MBOAT1: variants seen among roughly 807,000 people sequenced by gnomAD.
The protein encoded by MBOAT1 is membrane-bound glycerophospholipid O-acyltransferase 1.
In MBOAT1, 67 loss-of-function variants were observed where a neutral mutation model predicts 64.4. That is an observed-to-expected ratio of 1.04 (90% confidence interval 0.85 to 1.27). MBOAT1 has a LOEUF of 1.27. Ranked by LOEUF, MBOAT1 falls within the 50% of genes most tolerant of loss-of-function variation. MBOAT1 has a pLI of 0.00. For missense variants in MBOAT1, 563 were observed against 604.6 expected (o/e 0.93, Z 0.72); for synonymous variants, 229 against 218.9 (o/e 1.05, Z -0.41).
intron 1 of MBOAT1, among the ~76,000 whole-genome samples, chr6:20,200,111 T>C (rs1455764121): frequency 6.6e-6 from 1 of 152,196 alleles, no homozygotes; most frequent in Non-Finnish European, 1.5e-5. Flanking sequence ...AGAAGCTCTT[T>C]GCAAGATCTT....
At chr6:20,169,685 C>T (rs954615188) in intron 1 of MBOAT1, among the ~76,000 whole-genome samples, 4 of 152,012 alleles carry the variant, frequency 2.6e-5, no homozygotes, top group African/African-American at 7.2e-5. Flanking sequence ...TTTTCAAAAC[C>T]GGGAAACAAG....
At chr6:20,181,943 G>T (rs1038014256) in intron 1 of MBOAT1, among the ~76,000 whole-genome samples, 1 of 152,214 alleles carries the variant, frequency 6.6e-6, no homozygotes, top group Admixed American at 6.5e-5. Flanking sequence ...AAGAGCCTGG[G>T]CTCTAGAGTC....
intron 2 of MBOAT1, among the ~76,000 whole-genome samples, chr6:20,151,835 C>G (rs537854450): frequency 4.6e-5 from 7 of 152,292 alleles, no homozygotes; most frequent in Admixed American, 1.3e-4. Flanking sequence ...AAGAATGATT[C>G]ACATTTCCCA....
Position 20,165,790 on chromosome 6 carries a change from A to G in MBOAT1, c.100-13021T>C, listed in dbSNP as rs531735543. 2.6e-5 allele frequency among the ~76,000 whole-genome samples: 4 copies of G among 152,284 alleles called. No individual in the cohort carries two copies. In the South Asian group the frequency reaches 8.3e-4, roughly 32 times the overall value. On this transcript the variant is annotated intron_variant, in intron 1 of 12. Transcript: ENST00000324607. ...GAAACCAGTTTGGTTAGAATAGGTAAAAGTCATCTGAGCTAATTAACCCAA... is the reference window on the plus strand; with the variant it reads ...GAAACCAGTTTGGTTAGAATAGGTAGAAGTCATCTGAGCTAATTAACCCAA...
intron 1 of MBOAT1, among the ~76,000 whole-genome samples, chr6:20,194,442 C>T (rs1762896076): frequency 6.6e-6 from 1 of 152,150 alleles, no homozygotes; most frequent in South Asian, 2.1e-4. Context: ...ATTACCTTGG[C>T]AGTTATGAAG....
At chr6:20,142,638 TA>T (rs1761210872) in intron 4 of MBOAT1, among the ~76,000 whole-genome samples, 1 of 152,032 alleles carries the variant, frequency 6.6e-6, no homozygotes, top group African/African-American at 2.4e-5. Flanking sequence ...TTAGTAGAGA[TA>T]GCGTTTCACC....
At chr6:20,179,096 C>T (rs900793148) in intron 1 of MBOAT1, among the ~76,000 whole-genome samples, 5 of 151,770 alleles carry the variant, frequency 3.3e-5, no homozygotes, top group Non-Finnish European at 7.4e-5. Flanking sequence ...CTCCCTCTCC[C>T]CACCCCCACA....
chr6:20,124,718 A>G, intron 7 of MBOAT1, 118 bp from the exon 8 acceptor site: 3 of 840,746 alleles, frequency 3.6e-6, no homozygotes, highest in Non-Finnish European at 5.6e-6. Flanking sequence ...ATTATTCCCC[A>G]GAAGGAGTGA....
chr6:20,153,326 A>G (rs1203750993), intron 1 of MBOAT1, among the ~76,000 whole-genome samples: 3 of 152,024 alleles, frequency 2.0e-5, no homozygotes, highest in Non-Finnish European at 4.4e-5. Context: ...TTGCTTTCCC[A>G]CCCACAAGCA....
At chr6:20,110,384 T>C (rs1446495764) in intron 11 of MBOAT1, among the ~76,000 whole-genome samples, 3 of 151,834 alleles carry the variant, frequency 2.0e-5, no homozygotes, top group African/African-American at 7.3e-5. Flanking sequence ...AGCTAAGTTT[T>C]AAAAAATTTT....
intron 1 of MBOAT1, among the ~76,000 whole-genome samples, chr6:20,163,868 G>C (rs1761934557): frequency 6.6e-6 from 1 of 151,990 alleles, no homozygotes; most frequent in Non-Finnish European, 1.5e-5. Flanking sequence ...AGAATTCTGG[G>C]CCTCCATAAG....
intron 1 of MBOAT1, among the ~76,000 whole-genome samples, chr6:20,191,551 G>C (rs1476084082): frequency 6.6e-6 from 1 of 152,132 alleles, no homozygotes. Flanking sequence ...CCAGCTTTAA[G>C]CCACTGAACA....
At chr6:20,126,426 T>G in intron 7 of MBOAT1, 91 bp downstream of exon 7, 1 of 1,092,516 alleles carries the variant, frequency 9.2e-7, no homozygotes, top group Non-Finnish European at 1.3e-6. Flanking sequence ...CCAAGCTTTC[T>G]GGTAAACTGT....
At chr6:20,108,225 C>A (rs1760017433) in intron 12 of MBOAT1, among the ~76,000 whole-genome samples, 1 of 152,206 alleles carries the variant, frequency 6.6e-6, no homozygotes, top group Non-Finnish European at 1.5e-5. Flanking sequence ...AGCTGCATTT[C>A]CAATGCTCAA....
At chr6:20,212,061 G>T in intron 1 of MBOAT1, 75 bp downstream of exon 1, 2 of 1,352,196 alleles carry the variant, frequency 1.5e-6, no homozygotes, top group Non-Finnish European at 2.1e-6. Context: ...GAGGGACGGT[G>T]GCTAACACTT....
At chr6:20,187,450 G>A (rs1172974469) in intron 1 of MBOAT1, among the ~76,000 whole-genome samples, 1 of 152,272 alleles carries the variant, frequency 6.6e-6, no homozygotes, top group Non-Finnish European at 1.5e-5. Flanking sequence ...TTCATGGGGA[G>A]TGTGCCCCAG....
At chr6:20,200,664 G>A (rs1763095872) in intron 1 of MBOAT1, among the ~76,000 whole-genome samples, 1 of 152,022 alleles carries the variant, frequency 6.6e-6, no homozygotes, top group Non-Finnish European at 1.5e-5. Flanking sequence ...CCCCTCATGG[G>A]TCCCACTGTA....
intron 12 of MBOAT1, among the ~76,000 whole-genome samples, chr6:20,106,629 G>A (rs1472999013): frequency 3.9e-5 from 6 of 152,120 alleles, no homozygotes; most frequent in Non-Finnish European, 8.8e-5. Flanking sequence ...TCACCATGCT[G>A]GCCAGGCTGG....
intron 3 of MBOAT1, among the ~76,000 whole-genome samples, chr6:20,148,962 G>A (rs1461909257): frequency 1.3e-5 from 2 of 151,916 alleles, no homozygotes; most frequent in Non-Finnish European, 2.9e-5. Context: ...TTAGCCAGGT[G>A]TAGTGGCACG....
Sources: allele counts gnomAD v4.1 joint callset (sites outside exome capture counted in the v4.1 genomes callset), GRCh38; gene constraint gnomAD v4.1.1; transcripts MANE v1.5; gene names NCBI Gene and HGNC (gene_info 2026-07-23, HGNC 2026-07-21).